PSMA1: variants seen among roughly 807,000 people sequenced by gnomAD.
PSMA1 encodes proteasome 20S subunit alpha 1.
Under a neutral mutation model 38.4 loss-of-function variants are expected in PSMA1, and 3 were observed. The observed-to-expected ratio is 0.08, with a 90% confidence interval of 0.04 to 0.20. The LOEUF is 0.20. Ranked by LOEUF, PSMA1 falls within the 10% of genes least tolerant of loss-of-function variation. PSMA1 has a pLI of 1.00. For missense variants in PSMA1, 227 were observed against 325.3 expected (o/e 0.70, Z 2.32); for synonymous variants, 101 against 107.1 (o/e 0.94, Z 0.35).
chr11:14,634,471 G>T (rs141799667), intron 1 of PSMA1, among the ~76,000 whole-genome samples: 21 of 151,840 alleles, frequency 1.4e-4, no homozygotes, highest in Non-Finnish European at 1.8e-4. Context: ...TGAAGGCGAA[G>T]ATTCCACTTA....
chr11:14,601,957 C>A (rs1852585678), intron 2 of PSMA1, among the ~76,000 whole-genome samples: 1 of 152,176 alleles, frequency 6.6e-6, no homozygotes, highest in Non-Finnish European at 1.5e-5. Context: ...TCACCATTCT[C>A]CACCTTTAAC....
At position 14,536,514 on chromosome 11, in the gene PSMA1, G is replaced by A. The variant is rs540372842; in HGVS notation, c.22-17473C>T. Among the ~76,000 whole-genome samples, 604 of 152,020 alleles carry A rather than the reference G, an allele frequency of 4.0e-3. 5 individuals carry two copies. Among genetic ancestry groups the A allele is most frequent in the African/African-American group, 0.014 (573 of 41,498 alleles). Reference sequence around the variant, plus strand: ...TGCACTCCAGCCTGGGCGAAAGAGCGAGACTCCGACTCCAAAAAACAAACA... The same window carrying A: ...TGCACTCCAGCCTGGGCGAAAGAGCAAGACTCCGACTCCAAAAAACAAACA... On this transcript the variant is annotated intron_variant, in intron 2 of 10. Transcript: ENST00000418988.
rs376756459 is a variant in PSMA1 at position 14,519,587 on chromosome 11, T to C, written c.4-546A>G. The stretch of plus-strand genomic sequence containing the variant: ...TACAAGTGCTGTCTGTATATTCACA[T>C]TGAATGAACAAAAATGTCCTCACAA... On this transcript the variant is annotated intron_variant, in intron 1 of 9. Transcript: ENST00000396394. 1.8e-4 allele frequency among the ~76,000 whole-genome samples: 28 copies of C among 152,256 alleles called. No individual in the cohort carries two copies. In the South Asian group the frequency reaches 3.7e-3, roughly 20 times the overall value.
At chr11:14,542,280 C>A (rs1294177764) in intron 2 of PSMA1, among the ~76,000 whole-genome samples, 3 of 152,180 alleles carry the variant, frequency 2.0e-5, no homozygotes, top group Non-Finnish European at 4.4e-5. Flanking sequence ...GGCTCAGTTA[C>A]ATGCTTGGCA....
At chr11:14,526,914 C>A (rs1851592178) in intron 2 of PSMA1, among the ~76,000 whole-genome samples, 1 of 152,164 alleles carries the variant, frequency 6.6e-6, no homozygotes, top group Admixed American at 6.5e-5. Context: ...ACTCTGCCCC[C>A]CTCCACTATC....
chr11:14,554,569 A>G (rs889912786), intron 2 of PSMA1, among the ~76,000 whole-genome samples: 3 of 152,158 alleles, frequency 2.0e-5, no homozygotes, highest in South Asian at 4.1e-4. Context: ...TTGGAAGACT[A>G]TCTTTTCTCC....
chr11:14,557,266 T>G (rs903443649), intron 2 of PSMA1, among the ~76,000 whole-genome samples: 3 of 152,152 alleles, frequency 2.0e-5, no homozygotes, highest in African/African-American at 7.2e-5. Flanking sequence ...TGAGACGGAG[T>G]CTCACTCTGT....
rs1003260813 is a variant in PSMA1 at position 14,534,636 on chromosome 11, A to AT, written c.22-15596dup. ...ACAGGAGTGAGCCACTGTGCTGACC[A>AT]TTTTTTTTTTAATTACTGTGTTTTT... On this transcript the variant is annotated intron_variant, in intron 2 of 10. Transcript: ENST00000418988. This position sits in a 1 kb window ranked among gnomAD's most constrained non-coding sequence, Gnocchi z 4.5. Among the ~76,000 whole-genome samples the AT allele has an allele frequency of 4.8e-5, 7 of 147,238 alleles. No individual in the cohort carries two copies. The highest frequency in any genetic ancestry group is 4.0e-4 in the East Asian group (2 of 5,040).
At chr11:14,526,720 C>A (rs993128080) in intron 2 of PSMA1, among the ~76,000 whole-genome samples, 1 of 152,122 alleles carries the variant, frequency 6.6e-6, no homozygotes, top group Non-Finnish European at 1.5e-5. Context: ...CCACACCTGA[C>A]CCCCATGACT....
At chr11:14,547,715 G>C (rs142753568) in intron 2 of PSMA1, among the ~76,000 whole-genome samples, 16 of 152,268 alleles carry the variant, frequency 1.1e-4, no homozygotes, top group South Asian at 4.1e-4. Flanking sequence ...CTCTGTGGGG[G>C]ACCAGGATAG....
At chr11:14,544,424 A>T (rs1272329264) in intron 2 of PSMA1, among the ~76,000 whole-genome samples, 1 of 152,208 alleles carries the variant, frequency 6.6e-6, no homozygotes, top group African/African-American at 2.4e-5. Context: ...CAAATCATAC[A>T]TCTGTTAAGG....
chr11:14,619,061 T>C, intron 1 of PSMA1, among the ~76,000 whole-genome samples: 1 of 152,208 alleles, frequency 6.6e-6, no homozygotes. Context: ...AGCACTGTGC[T>C]AGAAATTCTG....
At chr11:14,621,012 G>T (rs1487787225) in intron 1 of PSMA1, among the ~76,000 whole-genome samples, 1 of 152,188 alleles carries the variant, frequency 6.6e-6, no homozygotes, top group Non-Finnish European at 1.5e-5. Flanking sequence ...AAGAGTAGGG[G>T]TGTGTATGTC....
intron 1 of PSMA1, among the ~76,000 whole-genome samples, chr11:14,519,396 C>T (rs2305305): frequency 0.32 from 48,576 of 152,042 alleles, 8,996 homozygotes; most frequent in South Asian, 0.44. Flanking sequence ...AAAAGTCTTC[C>T]TTTTCTTTAA....
At chr11:14,516,254 G>C (rs1589979684) in intron 4 of PSMA1, among the ~76,000 whole-genome samples, 1 of 150,970 alleles carries the variant, frequency 6.6e-6, no homozygotes, top group African/African-American at 2.4e-5. Flanking sequence ...GCCTACGCTA[G>C]AGTACAGTGG....
intron 8 of PSMA1, among the ~76,000 whole-genome samples, chr11:14,510,002 C>A (rs984082854): frequency 6.6e-6 from 1 of 152,288 alleles, no homozygotes; most frequent in Non-Finnish European, 1.5e-5. Flanking sequence ...GGATTACAGG[C>A]GTGAGCCACC....
intron 2 of PSMA1, among the ~76,000 whole-genome samples, chr11:14,591,116 G>A (rs1349063360): frequency 1.3e-5 from 2 of 152,248 alleles, no homozygotes; most frequent in Non-Finnish European, 2.9e-5. Flanking sequence ...GCCAGCTGGA[G>A]TTCCAGGTGG....
chr11:14,613,577 C>G (rs1403722919), intron 1 of PSMA1, among the ~76,000 whole-genome samples: 1 of 152,052 alleles, frequency 6.6e-6, no homozygotes, highest in Non-Finnish European at 1.5e-5. Context: ...TCTACTGTGC[C>G]TCATTATGTG....
chr11:14,512,649 T>C (rs1851363576), intron 7 of PSMA1, among the ~76,000 whole-genome samples: 1 of 152,186 alleles, frequency 6.6e-6, no homozygotes, highest in African/African-American at 2.4e-5. Context: ...TGTGACTCCT[T>C]ATGGGAAGGA....
Sources: gnomAD v4.1 joint callset for allele counts (sites outside exome capture counted in the v4.1 genomes callset) on GRCh38, gnomAD v4.1.1 for gene constraint, Gnocchi (gnomAD v3.1) non-coding constraint, MANE v1.5 for transcripts, NCBI Gene and HGNC (gene_info 2026-07-23, HGNC 2026-07-21) for gene names.